CPQ: variants seen among roughly 807,000 people sequenced by gnomAD.
CPQ encodes the protein carboxypeptidase Q.
CPQ carries 37 observed loss-of-function variants against 45.7 expected under a neutral mutation model. That is an observed-to-expected ratio of 0.81 (90% CI 0.62 to 1.07). The LOEUF is 1.07. Among genes scored for constraint, CPQ ranks in the 50% least tolerant of loss-of-function variants. The probability of loss-of-function intolerance (pLI) is 0.00; values close to 1 mark genes in which losing one functional copy is unlikely to be tolerated. For synonymous variants in CPQ, 186 were observed against 205.8 expected, an observed-to-expected ratio of 0.90 and a Z score of 0.82; for missense variants, 537 against 572.9, an observed-to-expected ratio of 0.94 and a Z score of 0.64.
At chr8:96,657,545 T>A (rs1815652285) in intron 1 of CPQ, among the ~76,000 whole-genome samples, 1 of 152,250 alleles carries the variant, frequency 6.6e-6, no homozygotes, top group Admixed American at 6.5e-5. Context: ...CTTGTTGGAC[T>A]TTCTGTAGAG....
chr8:96,987,412 G>T (rs1809005181), intron 5 of CPQ, among the ~76,000 whole-genome samples: 1 of 152,066 alleles, frequency 6.6e-6, no homozygotes, highest in Admixed American at 6.6e-5. Flanking sequence ...ACACAGAAAT[G>T]ATAAGGAAGT....
chr8:96,976,366 G>A (rs1442509242), intron 5 of CPQ, among the ~76,000 whole-genome samples: 2 of 151,196 alleles, frequency 1.3e-5, no homozygotes, highest in East Asian at 3.9e-4. Context: ...ACAAGCAAAT[G>A]GAAACACATC....
At chr8:96,874,155 C>T (rs1323228186) in intron 3 of CPQ, among the ~76,000 whole-genome samples, 4 of 151,792 alleles carry the variant, frequency 2.6e-5, no homozygotes, top group African/African-American at 4.8e-5. Context: ...GGTGTACTAT[C>T]TTGCAAGCAC....
rs559828742 is a variant in CPQ, at chr8:96,719,389, C to T, written c.-34-65475C>T. Reference sequence around the variant, plus strand: ...TGGCCGGCTGCTCCAAGTGCGGGCCCGCCAAGCCCACGCCCACCCGGAACT... The same window carrying T: ...TGGCCGGCTGCTCCAAGTGCGGGCCTGCCAAGCCCACGCCCACCCGGAACT... On this transcript the variant is annotated intron_variant, in intron 1 of 7. Coordinates refer to ENST00000220763, the MANE Select transcript of CPQ (RefSeq NM_016134.4). Among the ~76,000 whole-genome samples, 185 of 152,332 alleles carry T rather than the reference C, an allele frequency of 1.2e-3. 1 individual carries two copies. The highest frequency in any genetic ancestry group is 4.0e-3 in the African/African-American group (165 of 41,582).
intron 1 of CPQ, among the ~76,000 whole-genome samples, chr8:96,730,693 G>A (rs923341389): frequency 2.0e-5 from 3 of 151,486 alleles, no homozygotes; most frequent in Non-Finnish European, 4.4e-5. Flanking sequence ...TGGCACATTG[G>A]CATCACCTGG....
chr8:96,889,154 G>A (rs1420288836), intron 4 of CPQ, among the ~76,000 whole-genome samples: 1 of 152,242 alleles, frequency 6.6e-6, no homozygotes, highest in Non-Finnish European at 1.5e-5. Flanking sequence ...CCTGTAGGCA[G>A]CGCGAAGGCA....
chr8:97,009,155 G>A (rs1318081353), intron 5 of CPQ, among the ~76,000 whole-genome samples: 1 of 152,230 alleles, frequency 6.6e-6, no homozygotes, highest in East Asian at 1.9e-4. Context: ...CGTCTCCACA[G>A]CCAGTTGCTT....
At chr8:96,974,800 A>C (rs141432604) in intron 5 of CPQ, among the ~76,000 whole-genome samples, 4,645 of 152,252 alleles carry the variant, frequency 0.031, 109 homozygotes, top group Non-Finnish European at 0.045. Flanking sequence ...GGAAATTTAA[A>C]AATTTTTTGA....
At chr8:96,841,009 T>C (rs994447758) in intron 3 of CPQ, among the ~76,000 whole-genome samples, 5 of 152,228 alleles carry the variant, frequency 3.3e-5, no homozygotes, top group African/African-American at 9.6e-5. Context: ...CCCCCTCTTA[T>C]CTGCCAAGTT....
intron 4 of CPQ, among the ~76,000 whole-genome samples, chr8:96,948,991 A>G (rs1002288793): frequency 2.0e-5 from 3 of 152,066 alleles, no homozygotes; most frequent in Non-Finnish European, 2.9e-5. Context: ...TGCTTAGAAT[A>G]CCTTTTTCTA....
chr8:96,975,636 T>G (rs1813764114), intron 5 of CPQ, among the ~76,000 whole-genome samples: 1 of 152,068 alleles, frequency 6.6e-6, no homozygotes, highest in South Asian at 2.1e-4. Context: ...ATCAAAAAGA[T>G]ACTTCACCAT....
intron 5 of CPQ, among the ~76,000 whole-genome samples, chr8:96,977,385 A>G (rs954009334): frequency 6.6e-6 from 1 of 152,046 alleles, no homozygotes; most frequent in Non-Finnish European, 1.5e-5. Flanking sequence ...TTTTACACTG[A>G]TGGTGGGAAT....
chr8:96,757,661 C>G (rs1316877519), intron 1 of CPQ, among the ~76,000 whole-genome samples: 1 of 151,504 alleles, frequency 6.6e-6, no homozygotes, highest in Non-Finnish European at 1.5e-5. Context: ...TTATTGTGTT[C>G]TGACCTTGTT....
intron 7 of CPQ, among the ~76,000 whole-genome samples, chr8:97,107,475 C>A (rs1402323358): frequency 9.9e-5 from 15 of 152,198 alleles, no homozygotes; most frequent in Non-Finnish European, 1.3e-4. Context: ...ACAACGATCC[C>A]CTGAATATCT....
chr8:97,016,159 T>A (rs1809577115), intron 5 of CPQ, among the ~76,000 whole-genome samples: 3 of 152,172 alleles, frequency 2.0e-5, no homozygotes, highest in Non-Finnish European at 2.9e-5. Flanking sequence ...TTCAGTTAGC[T>A]GATGGAAAAT....
intron 3 of CPQ, among the ~76,000 whole-genome samples, chr8:96,854,018 G>A (rs1267342803): frequency 6.6e-6 from 1 of 152,114 alleles, no homozygotes; most frequent in African/African-American, 2.4e-5. Context: ...AAGAGCTTCT[G>A]GGCCTTTAGC....
chr8:96,775,179 T>G (rs1810590281), intron 1 of CPQ, among the ~76,000 whole-genome samples: 1 of 152,140 alleles, frequency 6.6e-6, no homozygotes, highest in Non-Finnish European at 1.5e-5. Context: ...AGAAAATTGT[T>G]GAATTCACTT....
chr8:96,848,391 T>A (rs1381528467), intron 3 of CPQ, among the ~76,000 whole-genome samples: 2 of 152,168 alleles, frequency 1.3e-5, no homozygotes, highest in African/African-American at 4.8e-5. Flanking sequence ...ATTTATGAAT[T>A]TAAGAGAGCC....
chr8:96,682,232 TG>T (rs1439201245), intron 1 of CPQ, among the ~76,000 whole-genome samples: 2 of 152,180 alleles, frequency 1.3e-5, no homozygotes, highest in Non-Finnish European at 2.9e-5. Flanking sequence ...TCATGTGTTG[TG>T]GGGGGGACCC....
Sources: gnomAD v4.1 joint callset for allele counts (sites outside exome capture counted in the v4.1 genomes callset) on GRCh38, gnomAD v4.1.1 for gene constraint, MANE v1.5 for transcripts, NCBI Gene and HGNC (gene_info 2026-07-23, HGNC 2026-07-21) for gene names.